GLG1: variants seen among roughly 807,000 people sequenced by gnomAD.
GLG1 encodes the protein Golgi apparatus protein 1.
A neutral mutation model predicts 160.5 loss-of-function variants in GLG1; 38 were observed. The ratio of observed to expected loss-of-function variants is 0.24; its 90% CI spans 0.18 to 0.31. The LOEUF (loss-of-function observed/expected upper bound fraction) is 0.31, where lower values mean the gene tolerates loss of function less well. GLG1 is among the 10% of genes least tolerant of loss of function. GLG1 has a pLI of 1.00. For missense variants in GLG1, 1,373 were observed against 1,505.2 expected (o/e 0.91, Z 1.45); for synonymous variants, 644 against 543.4 (o/e 1.19, Z -2.57).
chr16:74,468,477 T>A (rs889703047), intron 17 of GLG1: 1 of 159,292 alleles, frequency 6.3e-6, no homozygotes, highest in Non-Finnish European at 1.4e-5. Context: ...CTCAAGTGAT[T>A]TGACCGCATT....
At chr16:74,517,656 C>T (rs150331995) in intron 2 of GLG1, among the ~76,000 whole-genome samples, 19,307 of 152,174 alleles carry the variant, frequency 0.13, 1,405 homozygotes, top group Middle Eastern at 0.17. Context: ...AGGATGCCCT[C>T]TCTCACCACT....
At chr16:74,551,429 A>C (rs1045251395) in intron 1 of GLG1, among the ~76,000 whole-genome samples, 1 of 149,598 alleles carries the variant, frequency 6.7e-6, no homozygotes, top group African/African-American at 2.5e-5. Flanking sequence ...TCAGCCTCCT[A>C]AATAGCTGGG....
At chr16:74,597,636 G>A (rs1216551984) in intron 1 of GLG1, among the ~76,000 whole-genome samples, 3 of 151,944 alleles carry the variant, frequency 2.0e-5, no homozygotes, top group South Asian at 2.1e-4. Context: ...GGCGGATAAC[G>A]AGGTCAGGAG....
intron 1 of GLG1, among the ~76,000 whole-genome samples, chr16:74,559,977 A>G (rs1485138185): frequency 2.0e-5 from 3 of 152,218 alleles, no homozygotes; most frequent in Admixed American, 2.0e-4. Context: ...AGCTTACTTT[A>G]TATAGTGCAA....
chr16:74,460,453 G>A (rs759852031), intron 22 of GLG1, among the ~76,000 whole-genome samples: 7 of 152,188 alleles, frequency 4.6e-5, no homozygotes, highest in Non-Finnish European at 7.4e-5. Context: ...CACCACACCC[G>A]GCCTGAACTG....
chr16:74,560,376 G>A (rs570589535), intron 1 of GLG1, among the ~76,000 whole-genome samples: 5 of 135,298 alleles, frequency 3.7e-5, no homozygotes, highest in African/African-American at 1.1e-4. Context: ...CGCCCAGGCT[G>A]GAGTGCAATG....
At chr16:74,578,673 T>C (rs906157916) in intron 1 of GLG1, among the ~76,000 whole-genome samples, 2 of 152,186 alleles carry the variant, frequency 1.3e-5, no homozygotes, top group Admixed American at 6.5e-5. Context: ...TCCATGTGCC[T>C]GCCAGAACAC....
intron 25 of GLG1, among the ~76,000 whole-genome samples, chr16:74,455,973 T>C (rs2014521083): frequency 6.6e-6 from 1 of 152,196 alleles, no homozygotes; most frequent in Admixed American, 6.5e-5. Flanking sequence ...TAGGAAAAAT[T>C]ACCCCTAGCC....
chr16:74,604,263 C>G lies in GLG1; in HGVS notation c.438+2394G>C, dbSNP rs576063750. Among the ~76,000 whole-genome samples the G allele has an allele frequency of 3.9e-5, 6 of 152,288 alleles. No homozygotes were observed. In the South Asian group the frequency reaches 1.2e-3, roughly 32 times the overall value. On this transcript the variant is annotated intron_variant, in intron 1 of 25. Transcript: ENST00000422840. ...AAGCAAAAGTTAAGTTTGACATATG[C>G]CAAGTACTACAGTGAATCCACATGA...
intron 1 of GLG1, among the ~76,000 whole-genome samples, chr16:74,534,526 AAAT>A: frequency 6.6e-6 from 1 of 152,168 alleles, no homozygotes; most frequent in Non-Finnish European, 1.5e-5. Context: ...AGAATTTTCA[AAAT>A]AATGTCAAAT....
At chr16:74,576,749 A>G (rs943862650) in intron 1 of GLG1, among the ~76,000 whole-genome samples, 3 of 152,204 alleles carry the variant, frequency 2.0e-5, no homozygotes, top group Non-Finnish European at 4.4e-5. Flanking sequence ...CTAAACAAAA[A>G]AATAATGAAG....
intron 1 of GLG1, among the ~76,000 whole-genome samples, chr16:74,550,303 C>T (rs1567518066): frequency 1.3e-5 from 2 of 152,024 alleles, no homozygotes; most frequent in East Asian, 3.8e-4. Flanking sequence ...AATGTTAAAG[C>T]TGTTGGAGAA....
At chr16:74,475,383 A>G (rs533644888) in intron 12 of GLG1, among the ~76,000 whole-genome samples, 14 of 152,312 alleles carry the variant, frequency 9.2e-5, no homozygotes, top group African/African-American at 3.4e-4. Flanking sequence ...GATTATTTTA[A>G]GACTCTTTAT....
intron 2 of GLG1, among the ~76,000 whole-genome samples, chr16:74,510,189 G>C (rs1446204692): frequency 6.6e-6 from 1 of 151,752 alleles, no homozygotes; most frequent in Non-Finnish European, 1.5e-5. Flanking sequence ...GTGCCACCAT[G>C]CCTGGCTAAT....
chr16:74,558,380 T>C (rs913224439), intron 1 of GLG1, among the ~76,000 whole-genome samples: 7 of 152,262 alleles, frequency 4.6e-5, no homozygotes, highest in Non-Finnish European at 1.0e-4. Flanking sequence ...CAGCCTTCCA[T>C]GTGCTCAATT....
intron 4 of GLG1, among the ~76,000 whole-genome samples, chr16:74,503,012 G>T (rs914065943): frequency 2.3e-4 from 35 of 151,894 alleles, no homozygotes; most frequent in Middle Eastern, 3.4e-3. Flanking sequence ...TTCAAGATCA[G>T]CCTGGCCGAC....
chr16:74,504,277 T>C (rs1300398885), intron 3 of GLG1, among the ~76,000 whole-genome samples: 1 of 152,136 alleles, frequency 6.6e-6, no homozygotes, highest in Non-Finnish European at 1.5e-5. Context: ...TATTACTTCT[T>C]GACATGACAT....
At chr16:74,570,977 C>T (rs1410382623) in intron 1 of GLG1, among the ~76,000 whole-genome samples, 1 of 151,754 alleles carries the variant, frequency 6.6e-6, no homozygotes, top group Non-Finnish European at 1.5e-5. Context: ...TTTAACCACA[C>T]CTCACTTGGC....
At chr16:74,522,692 T>C (rs1440530536) in intron 2 of GLG1, among the ~76,000 whole-genome samples, 1 of 152,168 alleles carries the variant, frequency 6.6e-6, no homozygotes, top group Non-Finnish European at 1.5e-5. Context: ...GCTTGTTTAT[T>C]TATTTATTTG....
Sources: gnomAD v4.1 joint callset for allele counts (sites outside exome capture counted in the v4.1 genomes callset) on GRCh38, gnomAD v4.1.1 for gene constraint, MANE v1.5 for transcripts, NCBI Gene and HGNC (gene_info 2026-07-23, HGNC 2026-07-21) for gene names.